The following SFXN2 variants were observed in gnomAD, a reference collection of about 807,000 sequenced individuals.
SFXN2 encodes sideroflexin-2.
Under a neutral mutation model 41.9 loss-of-function variants are expected in SFXN2, and 37 were observed. The ratio of observed to expected loss-of-function variants is 0.88; its 90% CI spans 0.68 to 1.16. The LOEUF is 1.16. Ranked by LOEUF, SFXN2 falls within the 50% of genes most tolerant of loss-of-function variation. The pLI is 0.00. For synonymous variants in SFXN2, 150 were observed against 156.7 expected, an observed-to-expected ratio of 0.96 and a Z score of 0.32; for missense variants, 386 against 425.2, an observed-to-expected ratio of 0.91 and a Z score of 0.81.
At chr10:102,718,033 T>C (rs189736260) in intron 1 of SFXN2, among the ~76,000 whole-genome samples, 1 of 152,188 alleles carries the variant, frequency 6.6e-6, no homozygotes, top group East Asian at 1.9e-4. Flanking sequence ...TGGGGGACAG[T>C]GGGTGTGTGG....
At chr10:102,720,025 C>G (rs1229452930) in intron 1 of SFXN2, among the ~76,000 whole-genome samples, 2 of 152,132 alleles carry the variant, frequency 1.3e-5, no homozygotes, top group Non-Finnish European at 2.9e-5. Flanking sequence ...CTTGGTGGCT[C>G]ACGCCTGTAA....
chr10:102,733,203 A>G (rs1343924319), intron 9 of SFXN2, among the ~76,000 whole-genome samples: 1 of 152,166 alleles, frequency 6.6e-6, no homozygotes, highest in Non-Finnish European at 1.5e-5. Context: ...GCTGGAGTGC[A>G]GTGGCGCGAT....
chr10:102,723,515 G>C (rs961470066), intron 1 of SFXN2, among the ~76,000 whole-genome samples: 1 of 152,154 alleles, frequency 6.6e-6, no homozygotes, highest in Non-Finnish European at 1.5e-5. Flanking sequence ...GCCTCCCAAA[G>C]TGTTGGGATT....
chr10:102,720,317 A>C (rs2482502), intron 1 of SFXN2, among the ~76,000 whole-genome samples: 126,113 of 129,914 alleles, frequency 0.97, 61,283 homozygotes, highest in East Asian at 0.99. Flanking sequence ...AAAAAAAAAA[A>C]CCCATGGCAG....
At chr10:102,716,960 T>C (rs1466457669) in intron 1 of SFXN2, among the ~76,000 whole-genome samples, 1 of 152,014 alleles carries the variant, frequency 6.6e-6, no homozygotes, top group Non-Finnish European at 1.5e-5. Flanking sequence ...GATCTGTTGA[T>C]TGTTCGTGTT....
intron 8 of SFXN2, 40 bp from the exon 9 acceptor site, chr10:102,732,819 C>A: frequency 6.2e-7 from 1 of 1,604,118 alleles, no homozygotes; most frequent in South Asian, 1.1e-5. Flanking sequence ...TGGGGAGAGC[C>A]TCCCAGCCCT....
At chr10:102,720,602 C>A (rs2064495548) in intron 1 of SFXN2, among the ~76,000 whole-genome samples, 1 of 151,072 alleles carries the variant, frequency 6.6e-6, no homozygotes, top group South Asian at 2.1e-4. Context: ...CAGAGCAAGA[C>A]CCTGTCTCAA....
At position 102,726,673 on chromosome 10, in the gene SFXN2, C is replaced by A; in HGVS notation, c.37C>A (p.Pro13Thr). The change falls in exon 2 of 12, where the codon CCC becomes ACC. Residue 13 changes from proline to threonine, a missense_variant. Physicochemically the swap from Pro to Thr is conservative, Grantham distance 38 (BLOSUM62 -1). Transcript: ENST00000369893. The part of the protein sequence containing the change: ...ADLSGFNIDA[P>T]RWDQRTFLGR... ...CCTGTCTGGCTTTAACATCGATGCCCCCCGTTGGGACCAGCGCACCTTCCT... is the reference window on the plus strand; with the variant it reads ...CCTGTCTGGCTTTAACATCGATGCCACCCGTTGGGACCAGCGCACCTTCCT... The A allele has an allele frequency of 1.2e-6, 2 of 1,614,172 alleles. No homozygotes were observed. Among genetic ancestry groups the A allele is most frequent in the Non-Finnish European group, 1.7e-6 (2 of 1,180,040 alleles).
Position 102,729,713 on chromosome 10 carries a change from C to G in SFXN2, c.508-10C>G. The G allele has an allele frequency of 6.2e-7, 1 of 1,613,628 alleles. No individual in the cohort carries two copies. On this transcript the variant is annotated splice_polypyrimidine_tract_variant and intron_variant, in intron 5 of 11. Transcript: ENST00000369893. ...TCTGAACAACTCCTACTGTTCTCTTCCCCCAACAGAAAGCGCCGCCCTTGG... is the reference window on the plus strand; with the variant it reads ...TCTGAACAACTCCTACTGTTCTCTTGCCCCAACAGAAAGCGCCGCCCTTGG...
intron 4 of SFXN2, among the ~76,000 whole-genome samples, chr10:102,728,766 T>C (rs2064650997): frequency 6.6e-6 from 1 of 152,198 alleles, no homozygotes; most frequent in African/African-American, 2.4e-5. Context: ...GTGTGTCTTA[T>C]GTGCTGGGGA....
rs138177060 is a variant in SFXN2 at position 102,727,126 on chromosome 10, A to C, written c.301A>C (p.Ile101Leu). The change falls in exon 3 of 12, where the codon ATC becomes CTC. Residue 101 changes from isoleucine (I) to leucine (L), a missense_variant. Transcript: ENST00000369893. Reference protein sequence around the residue: ...RMSFQLPGGMIITGFMLQFYR... With the variant: ...RMSFQLPGGMLITGFMLQFYR... The stretch of plus-strand genomic sequence containing the variant: ...GTCTTTCCAGCTTCCTGGCGGCATG[A>C]TCATCACGGGCTTCATGCTCCAGTT... 6.2e-7 allele frequency: 1 copy of C among 1,606,416 alleles called. No individual in the cohort carries two copies. The highest frequency in any genetic ancestry group is 1.3e-5 in the African/African-American group (1 of 74,754).
In SFXN2 at chr10:102,738,299, C is replaced by CT. The variant is rs540808803; in HGVS notation, c.*551dup. On this transcript the variant is annotated 3_prime_UTR_variant, in exon 12 of 12. Transcript: ENST00000369893. ...TCGTTGCCCCCTGGTCAGGCAGCTT[C>CT]TTTTTTTTTTTTTTCAAGATGGAGT... 3.0e-3 allele frequency: 437 copies of CT among 143,556 alleles called. 2 individuals are homozygous for CT. The highest frequency in any genetic ancestry group is 4.2e-3 in the African/African-American group (165 of 39,424). The allele number at this position is 143,556 out of a possible 1,614,324, so 8.9% of individuals were successfully genotyped here.
chr10:102,732,322 C>A, intron 8 of SFXN2, 104 bp downstream of exon 8: 2 of 926,466 alleles, frequency 2.2e-6, no homozygotes, highest in Non-Finnish European at 3.3e-6. Context: ...CCTTCTACAG[C>A]CATGCTTCTC....
chr10:102,737,517 A>G, intron 11 of SFXN2, 146 bp from the exon 12 acceptor site: 1 of 577,708 alleles, frequency 1.7e-6, no homozygotes, highest in Non-Finnish European at 3.2e-6. Flanking sequence ...GGCCTGCGTA[A>G]TGGTAAAGCA....
intron 1 of SFXN2, among the ~76,000 whole-genome samples, chr10:102,725,894 T>TA (rs1159350849): frequency 2.0e-5 from 3 of 151,732 alleles, no homozygotes; most frequent in African/African-American, 4.8e-5. Flanking sequence ...TAAAATTAAA[T>TA]AAAAAAAAGA....
intron 4 of SFXN2, among the ~76,000 whole-genome samples, chr10:102,729,070 C>T (rs569107782): frequency 7.9e-5 from 12 of 152,316 alleles, no homozygotes; most frequent in Admixed American, 5.9e-4. Context: ...AACACCTCCC[C>T]GCATAGGGAG....
chr10:102,728,351 C>A, intron 3 of SFXN2, 80 bp from the exon 4 acceptor site: 2 of 1,075,736 alleles, frequency 1.9e-6, no homozygotes, highest in Non-Finnish European at 2.9e-6. Flanking sequence ...ACCTGCAGAT[C>A]ATGTGCTTTG....
chr10:102,737,563 A>G lies in SFXN2; in HGVS notation c.870-100A>G. ...ATACAGAGGCCAATAATAATCCTAGATGGAAAAATCAGGAGGGCTTCTTGG... is the reference window on the plus strand; with the variant it reads ...ATACAGAGGCCAATAATAATCCTAGGTGGAAAAATCAGGAGGGCTTCTTGG... On this transcript the variant is annotated intron_variant, in intron 11 of 11. Coordinates refer to ENST00000369893, the MANE Select transcript of SFXN2 (RefSeq NM_178858.6). 3 of 760,642 alleles carry G rather than the reference A, an allele frequency of 3.9e-6. No homozygotes were observed. In the South Asian group the frequency reaches 4.6e-5, roughly 12 times the overall value. 47.1% of individuals were successfully genotyped at this position (760,642 alleles called of 1,614,324 possible). A position where few individuals can be genotyped will look rare whatever the true frequency, so the allele number is the denominator to read the frequency against.
At chr10:102,722,134 T>C (rs1375280390) in intron 1 of SFXN2, among the ~76,000 whole-genome samples, 1 of 152,204 alleles carries the variant, frequency 6.6e-6, no homozygotes. Context: ...TCACTCTTCT[T>C]CTTAAAGTCT....
Sources: gnomAD v4.1 joint callset for allele counts (sites outside exome capture counted in the v4.1 genomes callset) on GRCh38, gnomAD v4.1.1 for gene constraint, MANE v1.5 for transcripts, NCBI Gene and HGNC (gene_info 2026-07-23, HGNC 2026-07-21) for gene names.